The following FANCL variants were observed in gnomAD, a reference collection of about 807,000 sequenced individuals.
The protein encoded by FANCL is FA complementation group L.
In FANCL, 69 loss-of-function variants were observed where a neutral mutation model predicts 59.4. The ratio of observed to expected loss-of-function variants is 1.16; its 90% CI spans 0.96 to 1.42. FANCL has a LOEUF of 1.42. Ranked by LOEUF, FANCL falls within the 40% of genes most tolerant of loss-of-function variation. The pLI, the probability that FANCL is intolerant of heterozygous loss-of-function variation, is 0.00. For missense variants in FANCL, 519 were observed against 447.2 expected, an observed-to-expected ratio of 1.16 and a Z score of -1.45; for synonymous variants, 180 against 147.1, an observed-to-expected ratio of 1.22 and a Z score of -1.62.
chr2:58,238,844 T>C (rs1459351246), intron 1 of FANCL, among the ~76,000 whole-genome samples: 1 of 152,184 alleles, frequency 6.6e-6, no homozygotes, highest in Non-Finnish European at 1.5e-5. Flanking sequence ...TAAGGCTACA[T>C]GTCAGCATCT....
intron 1 of FANCL, among the ~76,000 whole-genome samples, chr2:58,238,333 G>C (rs929584978): frequency 7.9e-5 from 12 of 152,136 alleles, no homozygotes; most frequent in African/African-American, 2.9e-4. Context: ...TTTTGATCAA[G>C]AACTACCATC....
intron 5 of FANCL, among the ~76,000 whole-genome samples, 159 bp downstream of exon 5, chr2:58,221,783 T>C (rs371626362): frequency 2.0e-5 from 3 of 152,226 alleles, no homozygotes; most frequent in East Asian, 1.9e-4. Flanking sequence ...TTTATGATGA[T>C]ATCCCTCTCT....
At chr2:58,167,535 T>C (rs1351896125) in intron 7 of FANCL, among the ~76,000 whole-genome samples, 1 of 152,250 alleles carries the variant, frequency 6.6e-6, no homozygotes, top group Non-Finnish European at 1.5e-5. Flanking sequence ...CAGTGGCATC[T>C]TTTATTTGAA....
chr2:58,183,605 T>C (rs973569326), intron 7 of FANCL, among the ~76,000 whole-genome samples: 1 of 151,936 alleles, frequency 6.6e-6, no homozygotes, highest in African/African-American at 2.4e-5. Context: ...GGTCCCTAAT[T>C]AGTGTGGTTA....
chr2:58,162,681 G>A (rs1685382747), intron 11 of FANCL, among the ~76,000 whole-genome samples, 185 bp downstream of exon 11: 1 of 151,846 alleles, frequency 6.6e-6, no homozygotes, highest in African/African-American at 2.4e-5. Flanking sequence ...CAATCCCCCT[G>A]TTCCAAGAGA....
chr2:58,187,129 G>A lies in FANCL; in HGVS notation c.540+11465C>T, dbSNP rs578010985. ...ACACATGCACACATATGTTTATTGCGGCATGATTCACAATAGCAAAGACTT... is the reference window on the plus strand; with the variant it reads ...ACACATGCACACATATGTTTATTGCAGCATGATTCACAATAGCAAAGACTT... On this transcript the variant is annotated intron_variant, in intron 7 of 13. Coordinates refer to ENST00000233741, the MANE Select transcript of FANCL (RefSeq NM_018062.4). 4.6e-5 allele frequency among the ~76,000 whole-genome samples: 7 copies of A among 152,054 alleles called. No individual in the cohort carries two copies. The South Asian group carries it at 6.2e-4, about 14-fold the overall frequency.
intron 7 of FANCL, among the ~76,000 whole-genome samples, chr2:58,173,229 G>A (rs1230149061): frequency 2.0e-5 from 3 of 152,146 alleles, no homozygotes; most frequent in Admixed American, 2.0e-4. Flanking sequence ...TATTATCCAG[G>A]AGAACTTCCC....
At chr2:58,217,169 T>G (rs1558806291) in intron 5 of FANCL, among the ~76,000 whole-genome samples, 29 of 27,484 alleles carry the variant, frequency 1.1e-3, no homozygotes, top group East Asian at 2.5e-3. Flanking sequence ...ATATATTTTA[T>G]ATATATATAT....
chr2:58,161,170 A>G (rs116264506), intron 12 of FANCL, among the ~76,000 whole-genome samples: 36 of 152,124 alleles, frequency 2.4e-4, no homozygotes, highest in Admixed American at 5.9e-4. Context: ...GCCACTTTCA[A>G]CCACCTCCAC....
chr2:58,241,345 C>T (rs776337696), upstream of FANCL: 11 of 1,606,156 alleles, frequency 6.8e-6, no homozygotes, highest in African/African-American at 1.2e-4. Flanking sequence ...CAGAAAAGCT[C>T]TAGACCTGCT....
At chr2:58,171,221 C>A (rs574599026) in intron 7 of FANCL, among the ~76,000 whole-genome samples, 1 of 152,204 alleles carries the variant, frequency 6.6e-6, no homozygotes, top group African/African-American at 2.4e-5. Context: ...AAGAAACTCA[C>A]TCAAAACTGC....
At chr2:58,176,732 T>C (rs1435014692) in intron 7 of FANCL, among the ~76,000 whole-genome samples, 4 of 152,174 alleles carry the variant, frequency 2.6e-5, no homozygotes, top group Non-Finnish European at 4.4e-5. Context: ...AAGGACTTCA[T>C]GTCTAAAACA....
At chr2:58,188,149 A>T (rs554780994) in intron 7 of FANCL, among the ~76,000 whole-genome samples, 14 of 152,280 alleles carry the variant, frequency 9.2e-5, no homozygotes, top group African/African-American at 3.1e-4. Flanking sequence ...TCTCAGCACC[A>T]TGTGTTGAAA....
At chr2:58,169,070 A>G (rs1686258108) in intron 7 of FANCL, among the ~76,000 whole-genome samples, 1 of 152,218 alleles carries the variant, frequency 6.6e-6, no homozygotes, top group Non-Finnish European at 1.5e-5. Flanking sequence ...AAAGAGCAGC[A>G]GATCTCCCAC....
At chr2:58,177,044 T>C (rs1023585743) in intron 7 of FANCL, among the ~76,000 whole-genome samples, 2 of 152,216 alleles carry the variant, frequency 1.3e-5, no homozygotes, top group African/African-American at 4.8e-5. Flanking sequence ...TCATCATCAC[T>C]GGCCATCAGA....
chr2:58,192,452 G>GT (rs1436476422), intron 7 of FANCL, among the ~76,000 whole-genome samples: 1 of 151,746 alleles, frequency 6.6e-6, no homozygotes. Context: ...AAATGGAAAA[G>GT]TTTTTTAAAA....
At chr2:58,224,995 A>G (rs890203615) in intron 4 of FANCL, among the ~76,000 whole-genome samples, 6 of 151,964 alleles carry the variant, frequency 3.9e-5, no homozygotes, top group African/African-American at 1.4e-4. Flanking sequence ...CCACAAAGAA[A>G]TCATGATTCT....
rs534987151 is a variant in FANCL, at chr2:58,224,212, G to A, written c.274-2170C>T. ...ATTTTTGATAAGAAGAGTTTAATGG[G>A]ACATGATATCTATACTTTTACTCTG... On this transcript the variant is annotated intron_variant, in intron 4 of 13. Coordinates refer to ENST00000233741, the MANE Select transcript of FANCL (RefSeq NM_018062.4). Among the ~76,000 whole-genome samples the A allele has an allele frequency of 2.6e-5, 4 of 151,782 alleles. No individual in the cohort carries two copies. In the East Asian group the frequency reaches 7.7e-4, roughly 29 times the overall value.
chr2:58,241,112 A>C (rs1694500027), intron 1 of FANCL, 106 bp downstream of exon 1: 1 of 1,225,848 alleles, frequency 8.2e-7, no homozygotes. Flanking sequence ...GCCCCTCTCA[A>C]TCCCCACAAG....
Sources: allele counts gnomAD v4.1 joint callset (sites outside exome capture counted in the v4.1 genomes callset), GRCh38; gene constraint gnomAD v4.1.1; transcripts MANE v1.5; gene names NCBI Gene and HGNC (gene_info 2026-07-23, HGNC 2026-07-21).